The following IGSF21 variants were observed in gnomAD, a reference collection of about 807,000 sequenced individuals.
The protein encoded by IGSF21 is immunoglobulin superfamily member 21.
Under a neutral mutation model 46.8 loss-of-function variants are expected in IGSF21, and 28 were observed. The ratio of observed to expected loss-of-function variants is 0.60; its 90% confidence interval spans 0.44 to 0.82. IGSF21 has a LOEUF of 0.82. Among genes scored for constraint, IGSF21 ranks in the 40% least tolerant of loss-of-function variants. The probability of loss-of-function intolerance (pLI) is 0.00; values close to 1 mark genes in which losing one functional copy is unlikely to be tolerated. For missense variants in IGSF21, 624 were observed against 665.5 expected (o/e 0.94, Z 0.69); for synonymous variants, 284 against 273.6 (o/e 1.04, Z -0.38).
chr1:18,305,811 C>T (rs2124580424), intron 3 of IGSF21, among the ~76,000 whole-genome samples: 1 of 152,342 alleles, frequency 6.6e-6, no homozygotes, highest in Admixed American at 6.5e-5. Flanking sequence ...AATGAAGCAA[C>T]ACTGCACAAA....
chr1:18,142,771 T>A (rs1485747127), intron 1 of IGSF21, among the ~76,000 whole-genome samples: 2 of 152,224 alleles, frequency 1.3e-5, no homozygotes, highest in Non-Finnish European at 2.9e-5. Flanking sequence ...ATGGGTCAGT[T>A]CAGGCCTCTG....
At chr1:18,158,959 C>T (rs546795784) in intron 1 of IGSF21, among the ~76,000 whole-genome samples, 6 of 152,250 alleles carry the variant, frequency 3.9e-5, no homozygotes, top group African/African-American at 9.6e-5. Context: ...GTGCTGAGGG[C>T]GATTCCCTCC....
At chr1:18,195,072 C>G (rs1020351157) in intron 1 of IGSF21, among the ~76,000 whole-genome samples, 1 of 152,190 alleles carries the variant, frequency 6.6e-6, no homozygotes, top group Non-Finnish European at 1.5e-5. Flanking sequence ...TCAATGATCT[C>G]CACCAGGCCA....
chr1:18,137,507 A>T (rs1286871153), intron 1 of IGSF21, among the ~76,000 whole-genome samples: 1 of 152,136 alleles, frequency 6.6e-6, no homozygotes. Flanking sequence ...AGGCTCTGAG[A>T]CATGCAGTCA....
chr1:18,309,033 C>T (rs1038944947), intron 3 of IGSF21, among the ~76,000 whole-genome samples: 1 of 152,014 alleles, frequency 6.6e-6, no homozygotes, highest in Non-Finnish European at 1.5e-5. Flanking sequence ...AGCTCTGCCT[C>T]AGAGCTCCAC....
chr1:18,336,530 C>G (rs1237764424), intron 4 of IGSF21, among the ~76,000 whole-genome samples: 2 of 152,190 alleles, frequency 1.3e-5, no homozygotes, highest in Non-Finnish European at 2.9e-5. Context: ...AGTGTTGGGC[C>G]AGGACCCAGG....
intron 3 of IGSF21, among the ~76,000 whole-genome samples, chr1:18,318,464 G>A (rs1314976377): frequency 2.4e-5 from 2 of 83,848 alleles, no homozygotes; most frequent in Non-Finnish European, 5.1e-5. Context: ...GTGCGTGCGT[G>A]CGTGTGTGTG....
At chr1:18,143,576 A>G (rs535256463) in intron 1 of IGSF21, among the ~76,000 whole-genome samples, 2 of 152,198 alleles carry the variant, frequency 1.3e-5, no homozygotes, top group South Asian at 4.1e-4. Flanking sequence ...GTGGGGGTGG[A>G]TGAAGTCTTG....
intron 6 of IGSF21, among the ~76,000 whole-genome samples, chr1:18,372,309 C>T (rs72938800): frequency 0.026 from 3,999 of 152,288 alleles, 176 homozygotes; most frequent in African/African-American, 0.089. Context: ...GAAATATAAG[C>T]TACTGTTATT....
chr1:18,118,629 A>G (rs1254823856), intron 1 of IGSF21, among the ~76,000 whole-genome samples: 2 of 152,128 alleles, frequency 1.3e-5, no homozygotes, highest in African/African-American at 4.8e-5. Flanking sequence ...CCCCACAAAG[A>G]CTTCTTTGTT....
At chr1:18,308,644 C>T (rs1411613259) in intron 3 of IGSF21, among the ~76,000 whole-genome samples, 1 of 152,188 alleles carries the variant, frequency 6.6e-6, no homozygotes, top group African/African-American at 2.4e-5. Flanking sequence ...CCAGAATGGG[C>T]TGTGGGAGCC....
chr1:18,257,643 G>C (rs2084904508), intron 2 of IGSF21, among the ~76,000 whole-genome samples: 1 of 152,104 alleles, frequency 6.6e-6, no homozygotes, highest in Non-Finnish European at 1.5e-5. Flanking sequence ...TGTGGCAAAG[G>C]CACCGAGCTA....
rs556408685 is a variant in IGSF21 at position 18,350,493 on chromosome 1, C to T, written c.425-11622C>T. Among the ~76,000 whole-genome samples the T allele has an allele frequency of 2.6e-5, 4 of 152,316 alleles. No individual in the cohort carries two copies. In the East Asian group the frequency reaches 5.8e-4, roughly 22 times the overall value. On this transcript the variant is annotated intron_variant, in intron 4 of 9. Coordinates refer to ENST00000251296, the MANE Select transcript of IGSF21 (RefSeq NM_032880.5). The stretch of plus-strand genomic sequence containing the variant: ...CCTCACCAAGCTCTTTACAAAGATG[C>T]AATCCAAGAGATATTCAATCAAGCA...
At chr1:18,225,790 A>T (rs1271093170) in intron 1 of IGSF21, among the ~76,000 whole-genome samples, 1 of 152,174 alleles carries the variant, frequency 6.6e-6, no homozygotes, top group Non-Finnish European at 1.5e-5. Flanking sequence ...GGAAGAAAAA[A>T]GTATGCAGGC....
intron 1 of IGSF21, among the ~76,000 whole-genome samples, chr1:18,145,842 G>T (rs1237019024): frequency 2.0e-5 from 3 of 152,200 alleles, no homozygotes; most frequent in Non-Finnish European, 4.4e-5. Flanking sequence ...CTCTGCCAGG[G>T]GATGGAGCCC....
At chr1:18,245,289 A>G (rs903807413) in intron 2 of IGSF21, among the ~76,000 whole-genome samples, 1 of 152,220 alleles carries the variant, frequency 6.6e-6, no homozygotes, top group Non-Finnish European at 1.5e-5. Context: ...TTAAAAATCT[A>G]TTGAAATAAT....
chr1:18,263,358 A>T (rs529720759), intron 2 of IGSF21, among the ~76,000 whole-genome samples: 64 of 152,172 alleles, frequency 4.2e-4, no homozygotes, highest in Non-Finnish European at 4.9e-4. Context: ...GGGAAGAAAG[A>T]GTGTGGGGGT....
At chr1:18,143,551 C>T (rs1357101158) in intron 1 of IGSF21, among the ~76,000 whole-genome samples, 2 of 152,218 alleles carry the variant, frequency 1.3e-5, no homozygotes, top group Admixed American at 6.5e-5. Flanking sequence ...CAGCTCCCCA[C>T]ACCACAGACG....
chr1:18,133,179 A>G (rs2086337598), intron 1 of IGSF21, among the ~76,000 whole-genome samples: 1 of 152,212 alleles, frequency 6.6e-6, no homozygotes, highest in Non-Finnish European at 1.5e-5. Context: ...TTTGGCTTCA[A>G]GATACCCATG....
Sources: gnomAD v4.1 joint callset for allele counts (sites outside exome capture counted in the v4.1 genomes callset) on GRCh38, gnomAD v4.1.1 for gene constraint, MANE v1.5 for transcripts, NCBI Gene and HGNC (gene_info 2026-07-23, HGNC 2026-07-21) for gene names.